STK3: variants seen among roughly 807,000 people sequenced by gnomAD.
STK3 encodes the protein serine/threonine kinase 3.
In STK3, 41 loss-of-function variants were observed where a neutral mutation model predicts 58.0. The ratio of observed to expected loss-of-function variants is 0.71; its 90% confidence interval spans 0.55 to 0.92. The LOEUF (loss-of-function observed/expected upper bound fraction) is 0.92. Among genes scored for constraint, STK3 ranks in the 40% least tolerant of loss-of-function variants. STK3 has a pLI of 0.00. For missense variants in STK3, 479 were observed against 602.7 expected, an observed-to-expected ratio of 0.79 and a Z score of 2.15; for synonymous variants, 170 against 191.0, an observed-to-expected ratio of 0.89 and a Z score of 0.91.
At chr8:98,834,326 A>G (rs373439380) in intron 3 of STK3, among the ~76,000 whole-genome samples, 190 of 152,306 alleles carry the variant, frequency 1.2e-3, no homozygotes, top group African/African-American at 4.3e-3. Flanking sequence ...CCAGGCTGCA[A>G]TCTTCCAACT....
At chr8:98,645,630 A>C (rs2130646908) in intron 6 of STK3, among the ~76,000 whole-genome samples, 1 of 152,310 alleles carries the variant, frequency 6.6e-6, no homozygotes, top group South Asian at 2.1e-4. Flanking sequence ...TTTATGACAG[A>C]GTGTGTGATT....
Position 98,877,470 on chromosome 8 carries a change from G to GT in STK3, c.110+6176dup, listed in dbSNP as rs763678226. Among the ~76,000 whole-genome samples, 163 of 151,640 alleles carry GT rather than the reference G, an allele frequency of 1.1e-3. 1 individual carries two copies. Among genetic ancestry groups the GT allele is most frequent in the South Asian group, 1.0e-3 (5 of 4,782 alleles). ...GTTAATAAATTCAGTCATTCCATGT[G>GT]TTTTTTTTGTTTGTTTTTTTGGTTT... On this transcript the variant is annotated intron_variant, in intron 3 of 12. Coordinates refer to the STK3 transcript ENST00000523601.
At chr8:98,814,746 A>G (rs1834440982) in intron 1 of STK3, among the ~76,000 whole-genome samples, 1 of 152,094 alleles carries the variant, frequency 6.6e-6, no homozygotes, top group Non-Finnish European at 1.5e-5. Flanking sequence ...GTGCGGTGGC[A>G]TGATCATCGC....
At chr8:98,811,050 G>A (rs1175476149) in intron 1 of STK3, among the ~76,000 whole-genome samples, 1 of 152,180 alleles carries the variant, frequency 6.6e-6, no homozygotes, top group East Asian at 1.9e-4. Context: ...CATGGGCCAA[G>A]TAAATCTTTC....
chr8:98,431,658 AC>A (rs1365691715), intron 3 of STK3: 2 of 167,104 alleles, frequency 1.2e-5, no homozygotes, highest in Non-Finnish European at 2.9e-5. Context: ...TAACTCAGTC[AC>A]TTTCATGAAG....
intron 3 of STK3, among the ~76,000 whole-genome samples, chr8:98,422,614 A>G (rs1423364207): frequency 6.6e-6 from 1 of 152,220 alleles, no homozygotes; most frequent in East Asian, 1.9e-4. Context: ...GGCACAGGAA[A>G]CCGTCTGGGA....
chr8:98,895,644 A>G (rs1838416700), intron 1 of STK3, among the ~76,000 whole-genome samples: 1 of 152,214 alleles, frequency 6.6e-6, no homozygotes, highest in Non-Finnish European at 1.5e-5. Flanking sequence ...ATCCTCCAAC[A>G]TGAGAAGCAT....
intron 3 of STK3, among the ~76,000 whole-genome samples, chr8:98,396,392 G>C (rs1436281332): frequency 6.6e-6 from 1 of 152,224 alleles, no homozygotes; most frequent in African/African-American, 2.4e-5. Flanking sequence ...GAGATGGGGT[G>C]AGAGTGGAGG....
upstream of STK3, among the ~76,000 whole-genome samples, chr8:98,389,385 C>T (rs1333626755): frequency 6.6e-6 from 1 of 152,298 alleles, no homozygotes; most frequent in East Asian, 1.9e-4. Flanking sequence ...TTTATCAATT[C>T]TCCCCTCCAC....
At chr8:98,914,653 C>T (rs1839278361) in intron 1 of STK3, among the ~76,000 whole-genome samples, 1 of 152,202 alleles carries the variant, frequency 6.6e-6, no homozygotes, top group Non-Finnish European at 1.5e-5. Flanking sequence ...GTCCTCATCT[C>T]TCTTTAAGCA....
At chr8:98,503,853 T>C (rs1286064114) in intron 10 of STK3, among the ~76,000 whole-genome samples, 1 of 152,210 alleles carries the variant, frequency 6.6e-6, no homozygotes, top group African/African-American at 2.4e-5. Context: ...AAGTGTGATG[T>C]GGTGCTGAGA....
intron 1 of STK3, among the ~76,000 whole-genome samples, chr8:98,889,057 C>T (rs935403506): frequency 1.3e-5 from 2 of 152,192 alleles, no homozygotes; most frequent in African/African-American, 2.4e-5. Context: ...CCCAATATAA[C>T]TTAAAACAGA....
At chr8:98,791,072 TAA>T (rs1832775058) in intron 1 of STK3, among the ~76,000 whole-genome samples, 1 of 151,790 alleles carries the variant, frequency 6.6e-6, no homozygotes, top group Non-Finnish European at 1.5e-5. Flanking sequence ...TAGAAAACCC[TAA>T]AGACTCCCAC....
chr8:98,612,335 C>A (rs1328868356), intron 6 of STK3, among the ~76,000 whole-genome samples: 1 of 150,382 alleles, frequency 6.6e-6, no homozygotes, highest in African/African-American at 2.4e-5. Context: ...GTGGGGAGGA[C>A]TGCTTGAAAC....
chr8:98,811,822 G>A (rs2515219), intron 1 of STK3, among the ~76,000 whole-genome samples: 103,801 of 152,106 alleles, frequency 0.68, 35,553 homozygotes, highest in South Asian at 0.77. Context: ...TAAAATGAAA[G>A]GTTTTGTTGT....
chr8:98,882,842 T>A (rs932159684), downstream of STK3: 9 of 152,192 alleles, frequency 5.9e-5, no homozygotes, highest in African/African-American at 2.2e-4. Context: ...ACTCCTACCA[T>A]CACACTCAAC....
intron 1 of STK3, among the ~76,000 whole-genome samples, chr8:98,796,583 T>C (rs534453507): frequency 2.0e-5 from 3 of 152,208 alleles, no homozygotes; most frequent in Admixed American, 6.5e-5. Flanking sequence ...CTAAAAGCAA[T>C]TGCAACCAAA....
chr8:98,695,365 T>A (rs1824802459), intron 6 of STK3, among the ~76,000 whole-genome samples: 1 of 152,198 alleles, frequency 6.6e-6, no homozygotes, highest in African/African-American at 2.4e-5. Context: ...ATCCCATTTG[T>A]CAATTTTGGC....
upstream of STK3, among the ~76,000 whole-genome samples, chr8:98,826,578 C>CT (rs1835317696): frequency 6.6e-6 from 1 of 152,208 alleles, no homozygotes; most frequent in African/African-American, 2.4e-5. Flanking sequence ...CTTTGGTCCT[C>CT]TCCCCCAACC....
Sources: allele counts gnomAD v4.1 joint callset (sites outside exome capture counted in the v4.1 genomes callset), GRCh38; gene constraint gnomAD v4.1.1; transcripts MANE v1.5; gene names NCBI Gene and HGNC (gene_info 2026-07-23, HGNC 2026-07-21).